The following PTGER3 variants were observed in gnomAD, a reference collection of about 807,000 sequenced individuals.
PTGER3 encodes prostaglandin E receptor 3.
Under a neutral mutation model 34.7 loss-of-function variants are expected in PTGER3, and 22 were observed. The observed-to-expected ratio is 0.63, with a 90% confidence interval of 0.45 to 0.91. The LOEUF is 0.91. Ranked by LOEUF, PTGER3 falls within the 40% of genes least tolerant of loss-of-function variation. The probability of loss-of-function intolerance (pLI) is 0.00; values close to 1 mark genes in which losing one functional copy is unlikely to be tolerated. For synonymous variants in PTGER3, 241 were observed against 230.1 expected, an observed-to-expected ratio of 1.05 and a Z score of -0.43; for missense variants, 468 against 519.4, an observed-to-expected ratio of 0.90 and a Z score of 0.96.
intron 1 of PTGER3, among the ~76,000 whole-genome samples, chr1:71,027,655 C>T (rs949288801): frequency 6.6e-6 from 1 of 152,182 alleles, no homozygotes; most frequent in East Asian, 1.9e-4. Flanking sequence ...TAATGCAGTA[C>T]TATCCAAGAG....
chr1:71,008,478 T>G (rs940042346), intron 2 of PTGER3: 1 of 913,208 alleles, frequency 1.1e-6, no homozygotes, highest in Non-Finnish European at 1.3e-6. Context: ...TTTTCCCTAA[T>G]TCTTTTATCA....
intron 2 of PTGER3, among the ~76,000 whole-genome samples, chr1:70,975,337 T>C (rs751766031): frequency 6.6e-6 from 1 of 151,398 alleles, no homozygotes; most frequent in South Asian, 2.1e-4. Context: ...CCTAAATTCA[T>C]TGGATGTCAC....
chr1:70,945,417 C>T (rs1348796378), intron 4 of PTGER3, among the ~76,000 whole-genome samples: 3 of 152,024 alleles, frequency 2.0e-5, no homozygotes, highest in Admixed American at 6.6e-5. Context: ...GTCTACCAAG[C>T]GTATGTCTAT....
chr1:70,990,355 A>T (rs1196924224), intron 2 of PTGER3, among the ~76,000 whole-genome samples: 10 of 86,872 alleles, frequency 1.2e-4, no homozygotes, highest in African/African-American at 2.9e-4. Context: ...AGACTGTCTC[A>T]CACACACACA....
intron 2 of PTGER3, among the ~76,000 whole-genome samples, chr1:70,989,596 A>T (rs1655244436): frequency 6.6e-6 from 1 of 152,210 alleles, no homozygotes; most frequent in African/African-American, 2.4e-5. Flanking sequence ...ATAACTGCTT[A>T]TTTTGAAACT....
At chr1:70,937,402 C>A (rs564853372) in intron 4 of PTGER3, among the ~76,000 whole-genome samples, 2 of 152,250 alleles carry the variant, frequency 1.3e-5, no homozygotes, top group African/African-American at 4.8e-5. Context: ...TGATGTCCAG[C>A]CAGCTGTTGG....
At chr1:70,983,851 C>T (rs75273957) in intron 2 of PTGER3, among the ~76,000 whole-genome samples, 1,535 of 152,200 alleles carry the variant, frequency 0.01, 31 homozygotes, top group African/African-American at 0.034. Context: ...TTGTTCCACA[C>T]GTAGAGCCTC....
downstream of PTGER3, among the ~76,000 whole-genome samples, chr1:70,967,433 GT>G (rs1015191812): frequency 3.3e-5 from 5 of 152,058 alleles, no homozygotes; most frequent in Non-Finnish European, 5.9e-5. Context: ...AAATACAGAA[GT>G]TTTTAAAAAT....
chr1:71,008,213 T>A (rs1160031489), intron 2 of PTGER3: 9 of 944,460 alleles, frequency 9.5e-6, no homozygotes, highest in African/African-American at 1.8e-5. Context: ...CTAGTAGATA[T>A]CTGGGTTGCT....
intron 2 of PTGER3, among the ~76,000 whole-genome samples, chr1:70,977,861 C>A (rs1432352431): frequency 6.6e-6 from 1 of 152,102 alleles, no homozygotes; most frequent in Non-Finnish European, 1.5e-5. Context: ...ACACCAGCTT[C>A]TTTAAGTGAC....
chr1:70,890,907 T>A (rs1417087790), intron 4 of PTGER3, among the ~76,000 whole-genome samples: 2 of 152,224 alleles, frequency 1.3e-5, no homozygotes, highest in Admixed American at 6.5e-5. Flanking sequence ...TTTATAGGAA[T>A]TTTTGTTTGT....
chr1:70,967,317 G>C (rs1441994532), downstream of PTGER3, among the ~76,000 whole-genome samples: 2 of 151,560 alleles, frequency 1.3e-5, no homozygotes, highest in African/African-American at 4.8e-5. Flanking sequence ...TTTTTATTGA[G>C]CAATTTCTAT....
chr1:70,888,855 G>A (rs1359151605), intron 4 of PTGER3, among the ~76,000 whole-genome samples: 2 of 152,038 alleles, frequency 1.3e-5, no homozygotes, highest in African/African-American at 4.8e-5. Flanking sequence ...TGTTTCTTTG[G>A]GATTCGCCTT....
At chr1:70,925,695 A>G (rs1648006668) in intron 4 of PTGER3, among the ~76,000 whole-genome samples, 1 of 152,200 alleles carries the variant, frequency 6.6e-6, no homozygotes, top group African/African-American at 2.4e-5. Flanking sequence ...CATATGTTGT[A>G]AATACATGAA....
At chr1:70,974,424 T>C in intron 2 of PTGER3, 36 bp from the exon 3 acceptor site, 2 of 828,850 alleles carry the variant, frequency 2.4e-6, no homozygotes, top group South Asian at 1.4e-5. Flanking sequence ...GGACACTTCC[T>C]TGAGTATTTT....
At chr1:70,945,844 A>T (rs1278140234) in intron 4 of PTGER3, among the ~76,000 whole-genome samples, 1 of 152,118 alleles carries the variant, frequency 6.6e-6, no homozygotes, top group Non-Finnish European at 1.5e-5. Context: ...TCATACTCTA[A>T]CCTAAAATTT....
intron 4 of PTGER3, among the ~76,000 whole-genome samples, chr1:70,942,588 G>T (rs1213145938): frequency 3.9e-5 from 6 of 152,182 alleles, no homozygotes; most frequent in Non-Finnish European, 7.4e-5. Context: ...TTAAGACTGG[G>T]TCAAGCAACA....
chr1:70,880,983 A>C (rs1469135849), intron 4 of PTGER3, among the ~76,000 whole-genome samples: 1 of 152,242 alleles, frequency 6.6e-6, no homozygotes, highest in Non-Finnish European at 1.5e-5. Context: ...TTTATGGATC[A>C]TAACCTCAAA....
At chr1:71,027,539 C>A (rs1025880280) in intron 1 of PTGER3, among the ~76,000 whole-genome samples, 3 of 152,158 alleles carry the variant, frequency 2.0e-5, no homozygotes, top group Non-Finnish European at 2.9e-5. Flanking sequence ...TGGAACTATC[C>A]GGTTCCCCAA....
Sources: allele counts gnomAD v4.1 joint callset (sites outside exome capture counted in the v4.1 genomes callset), GRCh38; gene constraint gnomAD v4.1.1; transcripts MANE v1.5; gene names NCBI Gene and HGNC (gene_info 2026-07-23, HGNC 2026-07-21).